PTPN23: variants seen among roughly 807,000 people sequenced by gnomAD.
The protein encoded by PTPN23 is tyrosine-protein phosphatase non-receptor type 23.
PTPN23 carries 72 observed loss-of-function variants against 156.3 expected under a neutral mutation model. The observed-to-expected ratio is 0.46, with a 90% CI of 0.38 to 0.56. PTPN23 has a LOEUF of 0.56. Among genes scored for constraint, PTPN23 ranks in the 20% least tolerant of loss-of-function variants. The pLI, the probability that PTPN23 is intolerant of heterozygous loss-of-function variation, is 0.00. For missense variants in PTPN23, 1,974 were observed against 2,171.5 expected (o/e 0.91, Z 1.81); for synonymous variants, 957 against 899.6 (o/e 1.06, Z -1.14).
intron 2 of PTPN23, among the ~76,000 whole-genome samples, chr3:47,398,722 A>C (rs1704931013): frequency 6.6e-6 from 1 of 152,072 alleles, no homozygotes; most frequent in Non-Finnish European, 1.5e-5. Flanking sequence ...ACACCACCGC[A>C]TCCAGCCAAT....
intron 2 of PTPN23, among the ~76,000 whole-genome samples, chr3:47,398,342 GA>G (rs1333409262): frequency 6.6e-6 from 1 of 152,078 alleles, no homozygotes; most frequent in Non-Finnish European, 1.5e-5. Flanking sequence ...GAAGGCACGT[GA>G]AAAACTGAGA....
At chr3:47,391,839 A>G (rs1227558021) in intron 1 of PTPN23, among the ~76,000 whole-genome samples, 1 of 152,184 alleles carries the variant, frequency 6.6e-6, no homozygotes, top group African/African-American at 2.4e-5. Context: ...ATTCTCTCAT[A>G]TAGTCAAGTT....
rs372438813 is a variant in PTPN23, at chr3:47,409,554, C to T, written c.1935C>T (p.Ser645=). The T allele has an allele frequency of 6.8e-6, 11 of 1,613,346 alleles. No homozygotes were observed. The African/African-American group carries it at 1.1e-4, about 16-fold the overall frequency. The change falls in exon 18 of 25, where the codon AGC becomes AGT. Residue 645 remains serine (S), a synonymous_variant. Transcript: ENST00000265562. ...VQYAAVRRVL[S]DLDQKWNSTL... is the part of the protein sequence containing the mutation. ...ACGCAGCCGTGCGGCGGGTACTCAG[C>T]GACTTGGACCAAAAGTCAGTGCCCA...
At chr3:47,382,227 G>A (rs951012842) in intron 1 of PTPN23, among the ~76,000 whole-genome samples, 1 of 152,140 alleles carries the variant, frequency 6.6e-6, no homozygotes, top group Non-Finnish European at 1.5e-5. Context: ...GCCTCTTGGG[G>A]CCAGGAAATG....
chr3:47,405,948 G>A lies in PTPN23; in HGVS notation c.448G>A (p.Ala150Thr), dbSNP rs769189775. 7.4e-6 allele frequency: 12 copies of A among 1,613,950 alleles called. No individual in the cohort carries two copies. The highest frequency in any genetic ancestry group is 3.3e-5 in the South Asian group (3 of 91,074). ...MKVSCTHFQC[A>T]AGAFAYLREH... ...GGTCTCCTGTACCCATTTCCAGTGC[G>A]CAGCCGGCGCCTTCGCCTACCTACG... is the stretch of plus-strand genomic sequence containing the variant. Residue 150 changes from alanine (A) to threonine (T), a missense_variant, in exon 6 of 25, where the codon GCA becomes ACA. Around this residue, in one of 4 missense-constraint regions of PTPN23, gnomAD observed 726 missense variants for 929.5 expected, o/e 0.78. Coordinates refer to ENST00000265562, the MANE Select transcript of PTPN23 (RefSeq NM_015466.4). This position sits in a 1 kb window ranked among gnomAD's most constrained non-coding sequence, Gnocchi z 4.7.
chr3:47,389,511 T>C (rs1704724124), intron 1 of PTPN23, among the ~76,000 whole-genome samples: 1 of 152,008 alleles, frequency 6.6e-6, no homozygotes, highest in Non-Finnish European at 1.5e-5. Flanking sequence ...TCCCAGCACT[T>C]TGGGAGGCCA....
At position 47,404,656 on chromosome 3, in the gene PTPN23, C is replaced by T. The variant is rs1207520776; in HGVS notation, c.164C>T (p.Ala55Val). Residue 55 changes from alanine to valine, a missense_variant, in exon 3 of 25, where the codon GCT (alanine) becomes GTT (valine). By Grantham distance (64) the Ala-to-Val change is moderately conservative (BLOSUM62 0). Coordinates refer to ENST00000265562, the MANE Select transcript of PTPN23 (RefSeq NM_015466.4). ...TTCTCCCATCCTGCCCCCCAGAATGCTGTCCGTGTCCCACGAGACTTTGAG... is the reference window on the plus strand; with the variant it reads ...TTCTCCCATCCTGCCCCCCAGAATGTTGTCCGTGTCCCACGAGACTTTGAG... ...LKKLELLRQN[A>V]VRVPRDFEGC... 1 of 1,613,542 alleles carries T rather than the reference C, an allele frequency of 6.2e-7. No homozygotes were observed. The highest frequency in any genetic ancestry group is 1.7e-5 in the Admixed American group (1 of 59,994).
chr3:47,396,580 CA>C (rs1704884375), intron 2 of PTPN23, among the ~76,000 whole-genome samples: 1 of 151,798 alleles, frequency 6.6e-6, no homozygotes, highest in Non-Finnish European at 1.5e-5. Context: ...ATCTCAAAAA[CA>C]ACAAAAAAGA....
Position 47,405,728 on chromosome 3 carries a change from C to A in PTPN23, c.365-21C>A. The stretch of plus-strand genomic sequence containing the variant: ...GGTGTGAGCAGCCCCAGGCCCCTAA[C>A]ACTGTCCCCTCCCTCCCCAGGAGCG... On this transcript the variant is annotated intron_variant, in intron 4 of 24. Transcript: ENST00000265562. This position sits in a 1 kb window ranked among gnomAD's most constrained non-coding sequence, Gnocchi z 4.7. The A allele has an allele frequency of 1.3e-6, 2 of 1,597,530 alleles. No individual in the cohort carries two copies. Among genetic ancestry groups the A allele is most frequent in the Non-Finnish European group, 1.7e-6 (2 of 1,172,522 alleles).
rs1002004532 is a variant in PTPN23, at chr3:47,407,904, A to G, written c.1133A>G (p.Lys378Arg). 3 of 1,614,080 alleles carry G rather than the reference A, an allele frequency of 1.9e-6. No individual in the cohort carries two copies. The highest frequency in any genetic ancestry group is 2.7e-5 in the African/African-American group (2 of 74,936). The change falls in exon 14 of 25, where the codon AAG becomes AGG. Residue 378 changes from lysine to arginine, a missense_variant. Transcript: ENST00000265562. The surrounding 1 kb of genome is among the most constrained non-coding windows in gnomAD (Gnocchi z 4.0). ...ASSLYSEEKA[K>R]LLREMMAKIE... ...CGCTTCTGCAGTGAGGAGAAGGCCA[A>G]GCTGCTCCGGGAGATGATGGCCAAG... is the stretch of plus-strand genomic sequence containing the variant.
intron 1 of PTPN23, among the ~76,000 whole-genome samples, chr3:47,383,289 A>G (rs1232987954): frequency 6.6e-6 from 1 of 152,120 alleles, no homozygotes; most frequent in East Asian, 1.9e-4. Context: ...TGGGGTGGTG[A>G]GGTGCCCTTC....
In PTPN23 at chr3:47,409,948, CGCCACGGCCCACAGCCCCAAAGCCGCT is replaced by C. The variant is rs1250723253; in HGVS notation, c.2153_2179del (p.Pro718_Leu726del). ...CACAGGGAGCTGAAGAAGAAGCCGC[CGCCACGGCCCACAGCCCCAAAGCCGCT>C]GCTGCCCCGCAGGGAGGAGAGTGAG... On this transcript the variant is annotated inframe_deletion, in exon 20 of 25. Coordinates refer to ENST00000265562, the MANE Select transcript of PTPN23 (RefSeq NM_015466.4). The C allele has an allele frequency of 6.4e-7, 1 of 1,566,914 alleles. No homozygotes were observed. The highest frequency in any genetic ancestry group is 8.6e-7 in the Non-Finnish European group (1 of 1,159,180).
At chr3:47,394,727 A>G (rs924702127) in intron 1 of PTPN23, among the ~76,000 whole-genome samples, 1 of 152,110 alleles carries the variant, frequency 6.6e-6, no homozygotes. Flanking sequence ...CATTCTTTTT[A>G]GATTATATAT....
chr3:47,392,375 G>A (rs964323547), intron 1 of PTPN23, among the ~76,000 whole-genome samples: 29 of 151,052 alleles, frequency 1.9e-4, no homozygotes, highest in Admixed American at 1.4e-3. Flanking sequence ...TCGTAGAGAT[G>A]GGGGTCTCGC....
chr3:47,408,234 C>T, intron 14 of PTPN23, 111 bp from the exon 15 acceptor site: 1 of 1,455,072 alleles, frequency 6.9e-7, no homozygotes, highest in Non-Finnish European at 9.4e-7. Flanking sequence ...TCACAATTTG[C>T]TCTCTGCTGA....
intron 2 of PTPN23, among the ~76,000 whole-genome samples, chr3:47,400,581 ATTTATT>A (rs1334600272): frequency 6.6e-6 from 1 of 152,152 alleles, no homozygotes; most frequent in East Asian, 1.9e-4. Flanking sequence ...TTTATTATTT[ATTTATT>A]TTTGACACAG....
chr3:47,394,324 G>A (rs1371225790), intron 1 of PTPN23, among the ~76,000 whole-genome samples: 1 of 152,192 alleles, frequency 6.6e-6, no homozygotes, highest in African/African-American at 2.4e-5. Flanking sequence ...TTGGAGGCAT[G>A]TTTGGAATGT....
At position 47,412,629 on chromosome 3, in the gene PTPN23, T is replaced by C; in HGVS notation, c.4431+2T>C. 1 of 1,612,152 alleles carries C rather than the reference T, an allele frequency of 6.2e-7. No homozygotes were observed. The highest frequency in any genetic ancestry group is 1.1e-5 in the South Asian group (1 of 90,978). On this transcript the variant is annotated splice_donor_variant, in intron 24 of 24. Transcript: ENST00000265562. LOFTEE classifies it high-confidence loss of function. ...GCCAGTGCAAGCATCAGCCAGAAGG[T>C]GAGGAAGGTTCCGTGGAAGCTGCTG...
Position 47,411,580 on chromosome 3 carries a change from C to CA in PTPN23, c.3784dup (p.Thr1262AsnfsTer11). The CA allele has an allele frequency of 6.2e-7, 1 of 1,612,630 alleles. No homozygotes were observed. Among genetic ancestry groups the CA allele is most frequent in the Non-Finnish European group, 8.5e-7 (1 of 1,179,966 alleles). ...TCCCCATACTGCCCCCCGCTAGTGG[C>CA]AACCCAGGCCCCACTGCCTGGCACA... On this transcript the variant is annotated frameshift_variant, in exon 20 of 25. Coordinates refer to ENST00000265562, the MANE Select transcript of PTPN23 (RefSeq NM_015466.4). LOFTEE classifies it high-confidence loss of function. This position sits in a 1 kb window ranked among gnomAD's most constrained non-coding sequence, Gnocchi z 6.3.
Sources: gnomAD v4.1 joint callset for allele counts (sites outside exome capture counted in the v4.1 genomes callset) on GRCh38, gnomAD v4.1.1 for gene constraint, gnomAD v4.1.1 regional missense constraint, Gnocchi (gnomAD v3.1) non-coding constraint, MANE v1.5 for transcripts, NCBI Gene and HGNC (gene_info 2026-07-23, HGNC 2026-07-21) for gene names.